The following MYO16 variants were observed in gnomAD, a reference collection of about 807,000 sequenced individuals.
MYO16 encodes unconventional myosin-XVI.
MYO16 carries 94 observed loss-of-function variants against 205.3 expected under a neutral mutation model. The ratio of observed to expected loss-of-function variants is 0.46; its 90% CI spans 0.39 to 0.54. The LOEUF (loss-of-function observed/expected upper bound fraction) is 0.54, where lower values mean the gene tolerates loss of function less well. MYO16 is among the 20% of genes least tolerant of loss of function. MYO16 has a pLI of 0.00. For synonymous variants in MYO16, 988 were observed against 954.0 expected, an observed-to-expected ratio of 1.04 and a Z score of -0.66; for missense variants, 2,315 against 2,387.5, an observed-to-expected ratio of 0.97 and a Z score of 0.63.
At chr13:109,135,662 A>C (rs1471121975) in intron 31 of MYO16, among the ~76,000 whole-genome samples, 2 of 152,216 alleles carry the variant, frequency 1.3e-5, no homozygotes, top group Non-Finnish European at 2.9e-5. Flanking sequence ...CACCTCGCCA[A>C]AATTTTGAGA....
intron 2 of MYO16, among the ~76,000 whole-genome samples, chr13:108,669,327 G>A (rs1189561272): frequency 6.6e-6 from 1 of 152,046 alleles, no homozygotes; most frequent in Non-Finnish European, 1.5e-5. Flanking sequence ...GAGTATGGAG[G>A]TGATTAGTTT....
chr13:108,645,713 A>G (rs542615758), intron 1 of MYO16, among the ~76,000 whole-genome samples: 10 of 151,924 alleles, frequency 6.6e-5, no homozygotes, highest in African/African-American at 2.4e-4. Flanking sequence ...GTGATAGATC[A>G]GGAGGAGGCT....
At chr13:108,883,531 C>T (rs1204769233) in intron 13 of MYO16, among the ~76,000 whole-genome samples, 1 of 152,126 alleles carries the variant, frequency 6.6e-6, no homozygotes, top group Non-Finnish European at 1.5e-5. Flanking sequence ...CTTCAAAATC[C>T]AGGGCTGCCC....
intron 27 of MYO16, among the ~76,000 whole-genome samples, chr13:109,083,256 G>A (rs564354095): frequency 1.3e-3 from 201 of 151,586 alleles, no homozygotes; most frequent in African/African-American, 4.7e-3. Context: ...GGTGGTGGGC[G>A]CCTGTAATCC....
intron 1 of MYO16, among the ~76,000 whole-genome samples, chr13:108,623,534 T>G (rs539944893): frequency 7.7e-4 from 117 of 152,300 alleles, no homozygotes; most frequent in African/African-American, 2.6e-3. Flanking sequence ...TCAGTCTACT[T>G]GTACCTACAT....
chr13:109,006,058 G>A (rs1311232242), intron 21 of MYO16, among the ~76,000 whole-genome samples: 1 of 152,152 alleles, frequency 6.6e-6, no homozygotes, highest in Non-Finnish European at 1.5e-5. Context: ...ATTGGAAGCT[G>A]TCCTTATATG....
At chr13:108,829,013 C>G (rs1400111141) in intron 9 of MYO16, among the ~76,000 whole-genome samples, 1 of 152,154 alleles carries the variant, frequency 6.6e-6, no homozygotes, top group Non-Finnish European at 1.5e-5. Context: ...AGTAGTTTGT[C>G]AAACCTCAGG....
At chr13:108,526,757 T>G in the MYO16 span, among the ~76,000 whole-genome samples, 6 of 152,228 alleles carry the variant, frequency 3.9e-5, no homozygotes, top group African/African-American at 9.6e-5. Context: ...ATAAATACAT[T>G]GTATCTTCCT....
chr13:108,558,947 A>G, the MYO16 span, among the ~76,000 whole-genome samples: 1 of 151,694 alleles, frequency 6.6e-6, no homozygotes, highest in East Asian at 1.9e-4. Flanking sequence ...TTGCCTCTTC[A>G]CACAGATCAA....
intron 16 of MYO16, among the ~76,000 whole-genome samples, chr13:108,954,745 GTAA>G (rs977536865): frequency 1.3e-5 from 2 of 152,038 alleles, no homozygotes; most frequent in Non-Finnish European, 2.9e-5. Context: ...TATAATAATA[GTAA>G]TAATAATAAT....
intron 16 of MYO16, among the ~76,000 whole-genome samples, chr13:108,946,905 C>A (rs1037402035): frequency 6.6e-6 from 1 of 152,124 alleles, no homozygotes; most frequent in East Asian, 1.9e-4. Flanking sequence ...CTATGCCCAG[C>A]TAATTTTTGT....
At chr13:109,012,634 A>G (rs1298894221) in intron 22 of MYO16, among the ~76,000 whole-genome samples, 1 of 152,010 alleles carries the variant, frequency 6.6e-6, no homozygotes, top group Admixed American at 6.6e-5. Flanking sequence ...CCCTCTTGTC[A>G]AAAAGGTTGG....
At chr13:108,895,613 G>A (rs1474042549) in intron 14 of MYO16, among the ~76,000 whole-genome samples, 1 of 152,208 alleles carries the variant, frequency 6.6e-6, no homozygotes, top group African/African-American at 2.4e-5. Context: ...TAGTGCAGTG[G>A]TTAAGTGTGT....
In MYO16 at chr13:109,140,116, G is replaced by C; in HGVS notation, c.4052-148G>C. On this transcript the variant is annotated intron_variant, in intron 31 of 34. Transcript: ENST00000457511. This position sits in a 1 kb window ranked among gnomAD's most constrained non-coding sequence, Gnocchi z 8.0. ...TCTCAGGAGTTCGGGTTCAGCCAGGGAGCCTAGTGGGTGGAGGAACATGCA... is the reference window on the plus strand; with the variant it reads ...TCTCAGGAGTTCGGGTTCAGCCAGGCAGCCTAGTGGGTGGAGGAACATGCA... 7.2e-7 allele frequency: 1 copy of C among 1,381,886 alleles called. No individual in the cohort carries two copies. Among genetic ancestry groups the C allele is most frequent in the South Asian group, 1.5e-5 (1 of 66,970 alleles). The allele number at this position is 1,381,886 out of a possible 1,614,324, so 85.6% of individuals were successfully genotyped here. A position where few individuals can be genotyped will look rare whatever the true frequency, so the allele number is the denominator to read the frequency against.
intron 1 of MYO16, among the ~76,000 whole-genome samples, chr13:108,649,678 G>A (rs979345533): frequency 5.9e-5 from 9 of 152,078 alleles, no homozygotes; most frequent in East Asian, 1.9e-4. Context: ...ATTCTGAATT[G>A]GTATAATAAC....
intron 34 of MYO16, among the ~76,000 whole-genome samples, chr13:109,201,040 T>C (rs1880373054): frequency 6.6e-6 from 1 of 152,134 alleles, no homozygotes; most frequent in Non-Finnish European, 1.5e-5. Context: ...ATTTGGATTC[T>C]GTTTGTTTGT....
intron 4 of MYO16, among the ~76,000 whole-genome samples, chr13:108,732,377 A>G (rs1401109074): frequency 6.6e-6 from 1 of 152,220 alleles, no homozygotes; most frequent in Non-Finnish European, 1.5e-5. Flanking sequence ...ATCAACTAGT[A>G]AGAGGTTTTG....
intron 4 of MYO16, among the ~76,000 whole-genome samples, chr13:108,769,226 C>T (rs998710871): frequency 6.6e-6 from 1 of 152,042 alleles, no homozygotes; most frequent in African/African-American, 2.4e-5. Context: ...ACGAGTGGCT[C>T]TAGGAAGAAG....
the MYO16 span, among the ~76,000 whole-genome samples, chr13:108,533,541 T>G: frequency 6.6e-6 from 1 of 152,228 alleles, no homozygotes; most frequent in Admixed American, 6.5e-5. Context: ...TTGGGTGAAC[T>G]TTCTGGATTG....
Sources: gnomAD v4.1 joint callset for allele counts (sites outside exome capture counted in the v4.1 genomes callset) on GRCh38, gnomAD v4.1.1 for gene constraint, Gnocchi (gnomAD v3.1) non-coding constraint, MANE v1.5 for transcripts, NCBI Gene and HGNC (gene_info 2026-07-23, HGNC 2026-07-21) for gene names.